The following PPM1L variants were observed in gnomAD, a reference collection of about 807,000 sequenced individuals.
PPM1L encodes the protein protein phosphatase 1L.
PPM1L carries 13 observed loss-of-function variants against 31.4 expected under a neutral mutation model. The observed-to-expected ratio is 0.41, with a 90% CI of 0.27 to 0.66. PPM1L has a LOEUF of 0.66. PPM1L is among the 30% of genes least tolerant of loss of function. The pLI is 0.29. For missense variants in PPM1L, 326 were observed against 453.7 expected, an observed-to-expected ratio of 0.72 and a Z score of 2.56; for synonymous variants, 184 against 175.4, an observed-to-expected ratio of 1.05 and a Z score of -0.39.
intron 1 of PPM1L, among the ~76,000 whole-genome samples, chr3:160,761,217 A>G (rs989678571): frequency 6.6e-6 from 1 of 152,196 alleles, no homozygotes. Context: ...ATTAGTCTAG[A>G]TAGAATAAAA....
chr3:160,955,113 C>T lies in PPM1L; in HGVS notation c.400-6623C>T, dbSNP rs373122430. Among the ~76,000 whole-genome samples, 18 of 151,790 alleles carry T rather than the reference C, an allele frequency of 1.2e-4. No homozygotes were observed. In the East Asian group the frequency reaches 2.3e-3, roughly 20 times the overall value. On this transcript the variant is annotated intron_variant, in intron 1 of 3. Transcript: ENST00000498165. ...GCAACCTCTGCCTTCCGGGTTCAAGCGATTCTCCTGCTTTAGCCTCCCGAG... is the reference window on the plus strand; with the variant it reads ...GCAACCTCTGCCTTCCGGGTTCAAGTGATTCTCCTGCTTTAGCCTCCCGAG...
chr3:160,859,415 A>G (rs974900089), intron 1 of PPM1L, among the ~76,000 whole-genome samples: 12 of 152,334 alleles, frequency 7.9e-5, no homozygotes, highest in East Asian at 5.8e-4. Flanking sequence ...TTAGATTACT[A>G]TGATTGAATG....
At chr3:160,769,424 T>C (rs1715190812) in intron 1 of PPM1L, among the ~76,000 whole-genome samples, 1 of 152,108 alleles carries the variant, frequency 6.6e-6, no homozygotes, top group African/African-American at 2.4e-5. Flanking sequence ...TTAGGGATGG[T>C]TTTATTTGGG....
chr3:161,038,585 TAAAAAAAAAAA>T lies in PPM1L; in HGVS notation c.575-26801_575-26791del, dbSNP rs35502476. On this transcript the variant is annotated intron_variant, in intron 2 of 3. Coordinates refer to ENST00000498165, the MANE Select transcript of PPM1L (RefSeq NM_139245.4). The stretch of plus-strand genomic sequence containing the variant: ...CCTCCCAAAATGCTGGGATTTGTTT[TAAAAAAAAAAA>T]AAAAAAAAAAAAAAAAGCAAAATTG... 3.8e-3 allele frequency among the ~76,000 whole-genome samples: 425 copies of T among 110,624 alleles called. 3 individuals are homozygous for T. Among genetic ancestry groups the T allele is most frequent in the African/African-American group, 0.012 (400 of 32,282 alleles). The allele number at this position is 110,624 out of a possible 152,430, so 72.6% of individuals were successfully genotyped here.
intron 3 of PPM1L, 25 bp from the exon 4 acceptor site, chr3:161,068,786 T>C (rs1320954157): frequency 6.3e-7 from 1 of 1,577,238 alleles, no homozygotes; most frequent in Non-Finnish European, 8.6e-7. Context: ...CTGGTCAAAC[T>C]AATGGGCTCA....
chr3:161,059,581 G>T (rs1289184285), intron 2 of PPM1L, among the ~76,000 whole-genome samples: 2 of 152,118 alleles, frequency 1.3e-5, no homozygotes, highest in African/African-American at 2.4e-5. Context: ...TTTAGCCTAT[G>T]TTGGGTGCTT....
Position 160,765,410 on chromosome 3 carries a change from T to C in PPM1L, c.399+8703T>C, listed in dbSNP as rs538834765. 2.6e-5 allele frequency among the ~76,000 whole-genome samples: 4 copies of C among 152,334 alleles called. No homozygotes were observed. In the South Asian group the frequency reaches 8.3e-4, roughly 32 times the overall value. On this transcript the variant is annotated intron_variant, in intron 1 of 3. Transcript: ENST00000498165. ...GCTTAGTGGGACTTTGGTTTTCTCA[T>C]ATGACTGTGACAGTTGTGTCTCTGT...
At chr3:160,936,120 T>C (rs958587039) in intron 1 of PPM1L, among the ~76,000 whole-genome samples, 16 of 151,514 alleles carry the variant, frequency 1.1e-4, no homozygotes, top group African/African-American at 3.9e-4. Flanking sequence ...TGGAGAGAAT[T>C]TTTTTTTTCC....
chr3:160,923,291 G>A (rs1400302461), intron 1 of PPM1L, among the ~76,000 whole-genome samples: 2 of 152,170 alleles, frequency 1.3e-5, no homozygotes, highest in Admixed American at 1.3e-4. Flanking sequence ...ATTGGAATGA[G>A]TCACGTGTTA....
At chr3:161,057,046 A>G (rs551764710) in intron 2 of PPM1L, among the ~76,000 whole-genome samples, 67 of 151,550 alleles carry the variant, frequency 4.4e-4, no homozygotes, top group African/African-American at 1.6e-3. Context: ...CCGGGCAACA[A>G]GAGTGAACTC....
At chr3:160,847,388 G>T (rs1714114932) in intron 1 of PPM1L, among the ~76,000 whole-genome samples, 1 of 152,106 alleles carries the variant, frequency 6.6e-6, no homozygotes, top group South Asian at 2.1e-4. Flanking sequence ...TGAAATCAAT[G>T]CAAGATTTCA....
chr3:161,031,878 G>A (rs565928274), intron 2 of PPM1L, among the ~76,000 whole-genome samples: 1 of 152,176 alleles, frequency 6.6e-6, no homozygotes, highest in East Asian at 1.9e-4. Context: ...CGCTAATGAT[G>A]CTGTTCCCAA....
chr3:160,820,865 T>C (rs1167743740), intron 1 of PPM1L, among the ~76,000 whole-genome samples: 5 of 152,118 alleles, frequency 3.3e-5, no homozygotes, highest in Non-Finnish European at 7.4e-5. Flanking sequence ...CTGTAAATAT[T>C]TCCTTGTGTA....
chr3:160,892,440 C>T (rs879559551), intron 1 of PPM1L, among the ~76,000 whole-genome samples: 1 of 152,136 alleles, frequency 6.6e-6, no homozygotes, highest in Non-Finnish European at 1.5e-5. Context: ...CACACATCTC[C>T]AACCAGGCCC....
At chr3:160,843,459 TATATATATATG>T (rs1713967842) in intron 1 of PPM1L, among the ~76,000 whole-genome samples, 2 of 126,276 alleles carry the variant, frequency 1.6e-5, no homozygotes, top group South Asian at 2.5e-4. Flanking sequence ...TATATATATA[TATATATATATG>T]TTTTTTTTAA....
At position 160,776,879 on chromosome 3, in the gene PPM1L, G is replaced by T. The variant is rs1029463940; in HGVS notation, c.399+20172G>T. Among the ~76,000 whole-genome samples the T allele has an allele frequency of 3.3e-5, 5 of 152,004 alleles. No homozygotes were observed. In the East Asian group the frequency reaches 9.8e-4, roughly 30 times the overall value. Reference sequence around the variant, plus strand: ...CTCCCAAAGTGCTGGGATTACAGGCGTGAGCCACCATGCCCGGCCCTTGGT... The same window carrying T: ...CTCCCAAAGTGCTGGGATTACAGGCTTGAGCCACCATGCCCGGCCCTTGGT... On this transcript the variant is annotated intron_variant, in intron 1 of 3. Transcript: ENST00000498165.
At chr3:161,041,077 A>G (rs1260065197) in intron 2 of PPM1L, among the ~76,000 whole-genome samples, 1 of 150,236 alleles carries the variant, frequency 6.7e-6, no homozygotes, top group East Asian at 1.9e-4. Flanking sequence ...AAGGGCATTC[A>G]CTATAGGACT....
chr3:160,907,411 A>C (rs1203490014), intron 1 of PPM1L, among the ~76,000 whole-genome samples: 1 of 152,258 alleles, frequency 6.6e-6, no homozygotes, highest in Non-Finnish European at 1.5e-5. Flanking sequence ...AAAACTAAGA[A>C]TAACTATGCA....
intron 1 of PPM1L, among the ~76,000 whole-genome samples, chr3:160,787,971 A>G (rs975868401): frequency 2.6e-5 from 4 of 152,020 alleles, no homozygotes; most frequent in African/African-American, 7.2e-5. Context: ...CCATTGGTCT[A>G]TGTGTCTGTT....
Sources: gnomAD v4.1 joint callset for allele counts (sites outside exome capture counted in the v4.1 genomes callset) on GRCh38, gnomAD v4.1.1 for gene constraint, MANE v1.5 for transcripts, NCBI Gene and HGNC (gene_info 2026-07-23, HGNC 2026-07-21) for gene names.